ADGRB1: variants seen among roughly 807,000 people sequenced by gnomAD.
ADGRB1 encodes the protein brain-specific angiogenesis inhibitor 1.
Under a neutral mutation model 175.7 loss-of-function variants are expected in ADGRB1, and 36 were observed. The observed-to-expected ratio is 0.20, with a 90% CI of 0.16 to 0.27. The LOEUF is 0.27. ADGRB1 is among the 10% of genes least tolerant of loss of function. The pLI is 1.00. For missense variants in ADGRB1, 1,731 were observed against 2,255.3 expected, an observed-to-expected ratio of 0.77 and a Z score of 4.71; for synonymous variants, 1,054 against 979.4, an observed-to-expected ratio of 1.08 and a Z score of -1.42.
intron 30 of ADGRB1, 135 bp from the exon 31 acceptor site, chr8:142,544,085 T>TCCGGTCC (rs559521828): frequency 1.1e-6 from 1 of 934,282 alleles, no homozygotes; most frequent in Non-Finnish European, 1.6e-6. Context: ...GAAAGCCTCA[T>TCCGGTCC]CCTGTCCCCT....
chr8:142,469,044 A>T (rs1229751625), intron 2 of ADGRB1, among the ~76,000 whole-genome samples: 1 of 152,268 alleles, frequency 6.6e-6, no homozygotes, highest in Non-Finnish European at 1.5e-5. Flanking sequence ...ACAGCTTGTA[A>T]GTGGCAGGCT....
chr8:142,532,726 A>G (rs1291962195), intron 24 of ADGRB1, among the ~76,000 whole-genome samples: 1 of 151,676 alleles, frequency 6.6e-6, no homozygotes, highest in Non-Finnish European at 1.5e-5. Flanking sequence ...CACCATGGCC[A>G]TCTTGCTCTG....
At chr8:142,452,237 T>C (rs189042750) in intron 1 of ADGRB1, among the ~76,000 whole-genome samples, 2,181 of 152,234 alleles carry the variant, frequency 0.014, 97 homozygotes, top group East Asian at 0.13. Flanking sequence ...ACCCGGCGGC[T>C]GAGGGCCGAG....
Position 142,493,795 on chromosome 8 carries a change from G to C in ADGRB1, c.2675+2980G>C, listed in dbSNP as rs1290412490. Among the ~76,000 whole-genome samples, 1 of 152,224 alleles carries C rather than the reference G, an allele frequency of 6.6e-6. No individual in the cohort carries two copies. The highest frequency in any genetic ancestry group is 1.5e-5 in the Non-Finnish European group (1 of 68,034). ...GGCCACGGCTGGCAGGGAAGGACTG[G>C]GACTGACCTCGGTCCCCTTCCTTCT... On this transcript the variant is annotated intron_variant, in intron 17 of 30. Coordinates refer to ENST00000517894, the MANE Select transcript of ADGRB1 (RefSeq NM_001702.3). This position sits in a 1 kb window ranked among gnomAD's most constrained non-coding sequence, Gnocchi z 5.0.
At position 142,505,009 on chromosome 8, in the gene ADGRB1, C is replaced by G. The variant is rs190107209; in HGVS notation, c.2676-5923C>G. Among the ~76,000 whole-genome samples, 8 of 129,612 alleles carry G rather than the reference C, an allele frequency of 6.2e-5. No individual in the cohort carries two copies. In the South Asian group the frequency reaches 1.0e-3, roughly 17 times the overall value. 85.0% of individuals were successfully genotyped at this position (129,612 alleles called of 152,430 possible). A position where few individuals can be genotyped will look rare whatever the true frequency, so the allele number is the denominator to read the frequency against. On this transcript the variant is annotated intron_variant, in intron 17 of 30. Coordinates refer to ENST00000517894, the MANE Select transcript of ADGRB1 (RefSeq NM_001702.3). ...GCGCACAGTCCCATAATAGCACCTG[C>G]TTCGTGGGCCGGCAGGAGGCATCGT...
chr8:142,454,584 C>T (rs904967236), intron 1 of ADGRB1, among the ~76,000 whole-genome samples: 3 of 152,162 alleles, frequency 2.0e-5, no homozygotes, highest in African/African-American at 7.2e-5. Flanking sequence ...CAGGGAGGCC[C>T]CCGCAGGCAG....
chr8:142,502,033 CAGT>C (rs371112605), intron 17 of ADGRB1, among the ~76,000 whole-genome samples: 2 of 9,168 alleles, frequency 2.2e-4, no homozygotes, highest in African/African-American at 7.9e-4. Context: ...GTTTTGATGA[CAGT>C]GGTGGTGGTG....
intron 24 of ADGRB1, among the ~76,000 whole-genome samples, chr8:142,528,078 G>A (rs1397122666): frequency 6.6e-6 from 1 of 151,898 alleles, no homozygotes; most frequent in Admixed American, 6.5e-5. Flanking sequence ...CGGGATGGAG[G>A]TTGGGGTGGA....
chr8:142,528,031 G>T (rs919194059), intron 24 of ADGRB1, among the ~76,000 whole-genome samples: 2 of 152,174 alleles, frequency 1.3e-5, no homozygotes, highest in Non-Finnish European at 2.9e-5. Flanking sequence ...ACCCAGACTC[G>T]CCTGTGTGGC....
At chr8:142,501,966 A>T (rs1403067425) in intron 17 of ADGRB1, among the ~76,000 whole-genome samples, 1 of 112,114 alleles carries the variant, frequency 8.9e-6, no homozygotes, top group Non-Finnish European at 1.8e-5. Flanking sequence ...TGTGGTTTTG[A>T]TGATGGAGGT....
chr8:142,520,132 GTGGTGA>G (rs1177060163), intron 19 of ADGRB1, among the ~76,000 whole-genome samples: 3 of 146,802 alleles, frequency 2.0e-5, no homozygotes, highest in Non-Finnish European at 4.5e-5. Context: ...GATGATGATG[GTGGTGA>G]TGGTGATGGT....
chr8:142,520,835 A>G lies in ADGRB1; in HGVS notation c.2934A>G (p.Ser978=), dbSNP rs1343675146. Reference sequence around the variant, plus strand: ...GCACTCTCCACAGGTACATTCGCTCAGAGCGTTCTGTCATCCTCATCAACT... The same window carrying G: ...GCACTCTCCACAGGTACATTCGCTCGGAGCGTTCTGTCATCCTCATCAACT... ...IYVSVWRYIR[S]ERSVILINFC... The change falls in exon 20 of 31, where the codon TCA becomes TCG. Residue 978 remains serine (S), a synonymous_variant. Transcript: ENST00000517894. The G allele has an allele frequency of 6.2e-7, 1 of 1,613,540 alleles. No individual in the cohort carries two copies. Among genetic ancestry groups the G allele is most frequent in the South Asian group, 1.1e-5 (1 of 91,078 alleles).
chr8:142,457,595 G>A (rs1351776903), intron 1 of ADGRB1, among the ~76,000 whole-genome samples: 7 of 152,226 alleles, frequency 4.6e-5, no homozygotes, highest in Middle Eastern at 6.8e-3. Context: ...AGAGGCTTCC[G>A]GGCCTGCCTC....
intron 17 of ADGRB1, 93 bp downstream of exon 17, chr8:142,490,908 G>C (rs1841949631): frequency 1.4e-6 from 2 of 1,459,644 alleles, no homozygotes; most frequent in Non-Finnish European, 9.3e-7. Context: ...TTCAGGTCTT[G>C]TCCACTTGCC....
At chr8:142,519,030 G>C (rs1350551328) in intron 19 of ADGRB1, among the ~76,000 whole-genome samples, 2 of 152,158 alleles carry the variant, frequency 1.3e-5, no homozygotes, top group African/African-American at 4.8e-5. Context: ...CTTTCCCGGA[G>C]ACAGTGACTG....
At chr8:142,536,769 G>T (rs1452993401) in intron 25 of ADGRB1, among the ~76,000 whole-genome samples, 1 of 152,074 alleles carries the variant, frequency 6.6e-6, no homozygotes, top group African/African-American at 2.4e-5. Flanking sequence ...AGACAGGAGA[G>T]GGGTAGGCTG....
intron 16 of ADGRB1, among the ~76,000 whole-genome samples, chr8:142,489,788 G>A (rs969004765): frequency 6.6e-6 from 1 of 152,100 alleles, no homozygotes. Context: ...AGAAGCTGGG[G>A]GTGTAAGTAC....
rs902037304 is a variant in ADGRB1, at chr8:142,449,764, C to T, written c.-560C>T. On this transcript the variant is annotated 5_prime_UTR_variant, in exon 1 of 31. Transcript: ENST00000517894. ...GGCGGCGGCCCCGGCGGAGCGAGCGCGGAGCCGGAGAGCCGGGAGCACAGG... is the reference window on the plus strand; with the variant it reads ...GGCGGCGGCCCCGGCGGAGCGAGCGTGGAGCCGGAGAGCCGGGAGCACAGG... The T allele has an allele frequency of 1.3e-3, 186 of 146,446 alleles. No homozygotes were observed. The highest frequency in any genetic ancestry group is 4.5e-3 in the African/African-American group (182 of 40,670). 9.1% of individuals were successfully genotyped at this position (146,446 alleles called of 1,614,324 possible).
intron 24 of ADGRB1, among the ~76,000 whole-genome samples, chr8:142,528,357 C>G (rs1844349122): frequency 6.6e-6 from 1 of 152,184 alleles, no homozygotes; most frequent in African/African-American, 2.4e-5. Flanking sequence ...GCCCTCAGCC[C>G]TGCCCACCAC....
Sources: allele counts gnomAD v4.1 joint callset (sites outside exome capture counted in the v4.1 genomes callset), GRCh38; gene constraint gnomAD v4.1.1; non-coding constraint Gnocchi (gnomAD v3.1); transcripts MANE v1.5; gene names NCBI Gene and HGNC (gene_info 2026-07-23, HGNC 2026-07-21).